Variants in CRIM1 observed in about 807,000 individuals in gnomAD.
CRIM1 encodes cysteine-rich motor neuron 1 protein.
Under a neutral mutation model 116.4 loss-of-function variants are expected in CRIM1, and 32 were observed. That is an observed-to-expected ratio of 0.27 (90% CI 0.21 to 0.37). The LOEUF is 0.37. CRIM1 is among the 10% of genes least tolerant of loss of function. The probability of loss-of-function intolerance (pLI) is 1.00; values close to 1 mark genes in which losing one functional copy is unlikely to be tolerated. For synonymous variants in CRIM1, 590 were observed against 509.2 expected (o/e 1.16, Z -2.13); for missense variants, 1,331 against 1,354.8 (o/e 0.98, Z 0.28).
chr2:36,490,981 G>C (rs848538), intron 7 of CRIM1, among the ~76,000 whole-genome samples: 63,517 of 152,010 alleles, frequency 0.42, 15,611 homozygotes, highest in African/African-American at 0.67. Flanking sequence ...CTCTAATTAA[G>C]CCGGTTGTCA....
At chr2:36,404,695 T>G (rs1354493787) in intron 2 of CRIM1, among the ~76,000 whole-genome samples, 2 of 152,202 alleles carry the variant, frequency 1.3e-5, no homozygotes, top group Non-Finnish European at 2.9e-5. Context: ...CTTGCTTTGT[T>G]TTTTTGTTTT....
intron 4 of CRIM1, among the ~76,000 whole-genome samples, chr2:36,446,232 A>G (rs996718006): frequency 2.0e-5 from 3 of 152,110 alleles, no homozygotes; most frequent in Admixed American, 6.5e-5. Context: ...ATCCAAATGG[A>G]ATTGCCCTTC....
Position 36,510,064 on chromosome 2 carries a change from A to C in CRIM1, c.1583A>C (p.Glu528Ala). The C allele has an allele frequency of 6.2e-7, 1 of 1,614,188 alleles. No individual in the cohort carries two copies. Among genetic ancestry groups the C allele is most frequent in the Non-Finnish European group, 8.5e-7 (1 of 1,180,022 alleles). The change falls in exon 9 of 17, where the codon GAG becomes GCG. Residue 528 changes from glutamate to alanine, a missense_variant. Glu to Ala is a moderately radical substitution (Grantham distance 107). This residue lies in a region of CRIM1 where 358 missense variants were observed against 436.1 expected (regional missense o/e 0.82). Transcript: ENST00000280527. ...TTCCTTACTGATGCCCAAAACTGTG[A>C]GATCTGTGAGTGCCGCCCAAGGCCC... ...FGFLTDAQNCEICECRPRPKK... is the reference protein window; with the variant it reads ...FGFLTDAQNCAICECRPRPKK...
In CRIM1 at chr2:36,396,654, A is replaced by G. The variant is rs746043473; in HGVS notation, c.372A>G (p.Pro124=). The change falls in exon 2 of 17, where the codon CCA becomes CCG. Residue 124 remains proline, a synonymous_variant. Transcript: ENST00000280527. ...WTDDQLLGFK[P]CNENLIAGCN... ...ATGACCAACTGCTTGGTTTTAAACC[A>G]TGCAATGAAAACCTTATTGCTGGCT... 12 of 1,612,650 alleles carry G rather than the reference A, an allele frequency of 7.4e-6. No individual in the cohort carries two copies. Among genetic ancestry groups the G allele is most frequent in the Admixed American group, 1.7e-5 (1 of 59,984 alleles).
Position 36,479,674 on chromosome 2 carries a change from A to G in CRIM1, c.1352A>G (p.Glu451Gly). The G allele has an allele frequency of 6.2e-7, 1 of 1,614,114 alleles. No homozygotes were observed. The highest frequency in any genetic ancestry group is 8.5e-7 in the Non-Finnish European group (1 of 1,179,974). ...ACAAACCCTGTGAAAGTGCCTGGGG[A>G]GTGTTGCCCTGTGTGCGAAGGTAAA... ...TCTNPVKVPG[E>G]CCPVCEEPTI... is the part of the protein sequence containing the mutation. Residue 451 changes from glutamate (E) to glycine (G), a missense_variant, in exon 7 of 17, where the codon GAG becomes GGG. Coordinates refer to ENST00000280527, the MANE Select transcript of CRIM1 (RefSeq NM_016441.3).
In CRIM1 at chr2:36,460,050, A is replaced by G. The variant is rs183830634; in HGVS notation, c.870-4484A>G. ...GGGGTTTCCATGATTTCTGAGTTCC[A>G]TTGTACTCAGGCACTCAGGTGCCCA... On this transcript the variant is annotated intron_variant, in intron 4 of 16. Coordinates refer to ENST00000280527, the MANE Select transcript of CRIM1 (RefSeq NM_016441.3). Among the ~76,000 whole-genome samples, 52 of 152,108 alleles carry G rather than the reference A, an allele frequency of 3.4e-4. No individual in the cohort carries two copies. The East Asian group carries it at 9.3e-3, about 27-fold the overall frequency.
At chr2:36,528,252 C>T (rs1665888109) in intron 13 of CRIM1, among the ~76,000 whole-genome samples, 1 of 152,142 alleles carries the variant, frequency 6.6e-6, no homozygotes. Context: ...TATAACATCT[C>T]AGTGATGAGC....
intron 14 of CRIM1, among the ~76,000 whole-genome samples, chr2:36,543,504 A>G (rs1458555581): frequency 6.6e-6 from 1 of 152,234 alleles, no homozygotes; most frequent in Non-Finnish European, 1.5e-5. Flanking sequence ...GCTTTATAAA[A>G]AAATCAGTGA....
chr2:36,519,391 T>C (rs1316615328), intron 12 of CRIM1, among the ~76,000 whole-genome samples: 1 of 152,166 alleles, frequency 6.6e-6, no homozygotes, highest in Non-Finnish European at 1.5e-5. Flanking sequence ...TGACTTCTCA[T>C]TCATTAACTT....
intron 2 of CRIM1, among the ~76,000 whole-genome samples, chr2:36,411,492 C>T (rs1673197390): frequency 6.6e-6 from 1 of 152,068 alleles, no homozygotes; most frequent in East Asian, 1.9e-4. Context: ...ATGCATGTCA[C>T]TTGTATTTTT....
chr2:36,518,298 G>C (rs544875024), intron 12 of CRIM1, among the ~76,000 whole-genome samples: 40 of 152,150 alleles, frequency 2.6e-4, no homozygotes, highest in Admixed American at 3.3e-4. Flanking sequence ...GACTAGTTTT[G>C]TTTTGTTGTT....
chr2:36,449,999 T>A (rs1676575374), intron 4 of CRIM1, among the ~76,000 whole-genome samples: 1 of 152,020 alleles, frequency 6.6e-6, no homozygotes, highest in Admixed American at 6.5e-5. Flanking sequence ...TAAAATAGAT[T>A]ACGTATTTGG....
At chr2:36,418,274 C>T (rs1247654417) in intron 2 of CRIM1, among the ~76,000 whole-genome samples, 1 of 152,112 alleles carries the variant, frequency 6.6e-6, no homozygotes, top group Non-Finnish European at 1.5e-5. Context: ...TTCTTTGAGT[C>T]CTGCCTCTCT....
intron 14 of CRIM1, among the ~76,000 whole-genome samples, chr2:36,542,793 C>G (rs573048978): frequency 4.6e-5 from 7 of 152,130 alleles, no homozygotes; most frequent in African/African-American, 1.7e-4. Flanking sequence ...GAAATTCATA[C>G]CACACATGAG....
chr2:36,437,877 T>C (rs1675442940), intron 2 of CRIM1, among the ~76,000 whole-genome samples: 1 of 151,962 alleles, frequency 6.6e-6, no homozygotes, highest in African/African-American at 2.4e-5. Flanking sequence ...CTCACTCCTG[T>C]AATCCCAGCA....
chr2:36,410,675 T>A (rs1237474343), intron 2 of CRIM1, among the ~76,000 whole-genome samples: 1 of 152,168 alleles, frequency 6.6e-6, no homozygotes, highest in Admixed American at 6.5e-5. Context: ...CTAAAACACA[T>A]TCTGATCTTG....
chr2:36,520,250 A>G lies in CRIM1; in HGVS notation c.2207-1842A>G, dbSNP rs934536330. On this transcript the variant is annotated intron_variant, in intron 12 of 16. Transcript: ENST00000280527. ...CTGCAGATTCCAGGCTGTTCGTTTC[A>G]CTGTCATTCCATAGCTTCAGCACGG... is the stretch of plus-strand genomic sequence containing the variant. 2.6e-5 allele frequency among the ~76,000 whole-genome samples: 4 copies of G among 152,160 alleles called. 1 individual carries two copies. The highest frequency in any genetic ancestry group is 2.0e-4 in the Admixed American group (3 of 15,276).
chr2:36,430,000 G>A (rs1674759168), intron 2 of CRIM1, among the ~76,000 whole-genome samples: 1 of 152,218 alleles, frequency 6.6e-6, no homozygotes, highest in Non-Finnish European at 1.5e-5. Flanking sequence ...TGATGCTGCT[G>A]AAAGGAGTGT....
In CRIM1 at chr2:36,400,682, C is replaced by T. The variant is rs116890510; in HGVS notation, c.505+3895C>T. On this transcript the variant is annotated intron_variant, in intron 2 of 16. Transcript: ENST00000280527. ...GGGAAAAAGAGTAATCAGGTACTAC[C>T]TAGGTTTCAATTTACACAAGAAGGT... Among the ~76,000 whole-genome samples, 38 of 152,100 alleles carry T rather than the reference C, an allele frequency of 2.5e-4. No individual in the cohort carries two copies. The East Asian group carries it at 7.2e-3, about 29-fold the overall frequency.
Sources: allele counts gnomAD v4.1 joint callset (sites outside exome capture counted in the v4.1 genomes callset), GRCh38; gene constraint gnomAD v4.1.1; regional missense constraint gnomAD v4.1.1; transcripts MANE v1.5; gene names NCBI Gene and HGNC (gene_info 2026-07-23, HGNC 2026-07-21).